AP5B1: variants seen among roughly 807,000 people sequenced by gnomAD.
AP5B1 encodes adaptor related protein complex 5 subunit beta 1.
Under a neutral mutation model 5.7 loss-of-function variants are expected in AP5B1, and 3 were observed. The observed-to-expected ratio is 0.53, with a 90% CI of 0.24 to 1.36. The LOEUF (loss-of-function observed/expected upper bound fraction) is 1.36, where lower values mean the gene tolerates loss of function less well. Among genes scored for constraint, AP5B1 ranks in the 40% most tolerant of loss-of-function variants. AP5B1 has a pLI of 0.17. For missense variants in AP5B1, 1,310 were observed against 1,143.2 expected, an observed-to-expected ratio of 1.15 and a Z score of -2.10; for synonymous variants, 696 against 555.5, an observed-to-expected ratio of 1.25 and a Z score of -3.56.
chr11:65,780,090 G>A lies in AP5B1; in HGVS notation c.403C>T (p.Arg135Ter). 6.6e-7 allele frequency: 1 copy of A among 1,524,702 alleles called. No individual in the cohort carries two copies. Among genetic ancestry groups the A allele is most frequent in the Non-Finnish European group, 8.8e-7 (1 of 1,135,148 alleles). 94.4% of individuals were successfully genotyped at this position (1,524,702 alleles called of 1,614,324 possible). A position where few individuals can be genotyped will look rare whatever the true frequency, so the allele number is the denominator to read the frequency against. The change falls in exon 2 of 2, where the codon CGA (arginine) becomes TGA (stop). Residue 135 changes from arginine (R) to a stop codon, truncating the protein, a stop_gained. Coordinates refer to ENST00000532090, the MANE Select transcript of AP5B1 (RefSeq NM_138368.5). LOFTEE classifies it low-confidence loss of function (END_TRUNC). The part of the protein sequence containing the change: ...LGLAAGSDLG[R>*]GFVPASEQRP... ...TGTTCCGAGGCGGGGACAAAGCCTC[G>A]CCCCAGATCGCTACCCGCGGCCAGG... is the stretch of plus-strand genomic sequence containing the variant.
At position 65,777,679 on chromosome 11, in the gene AP5B1, C is replaced by T. The variant is rs1857781284; in HGVS notation, c.*177G>A. On this transcript the variant is annotated 3_prime_UTR_variant, in exon 2 of 2. Coordinates refer to ENST00000532090, the MANE Select transcript of AP5B1 (RefSeq NM_138368.5). ...CCCCGTCTCAGGGATCTTGCTAGAG[C>T]AGCAAAAACAGACTCAGACAGACCC... is the stretch of plus-strand genomic sequence containing the variant. 3 of 684,716 alleles carry T rather than the reference C, an allele frequency of 4.4e-6. No individual in the cohort carries two copies. The highest frequency in any genetic ancestry group is 7.1e-6 in the Non-Finnish European group (3 of 422,868). 42.4% of individuals were successfully genotyped at this position (684,716 alleles called of 1,614,324 possible). A position where few individuals can be genotyped will look rare whatever the true frequency, so the allele number is the denominator to read the frequency against.
At position 65,779,721 on chromosome 11, in the gene AP5B1, C is replaced by T; in HGVS notation, c.772G>A (p.Glu258Lys). Residue 258 changes from glutamate to lysine, a missense_variant, in exon 2 of 2, where the codon GAG (glutamate) becomes AAG (lysine). Transcript: ENST00000532090. ...TCCCGCGCCTCCTCAGGGCTGTGCT[C>T]TCGTGCTGTAAGGCTACGCTCCCCC... ...GEGERSLTAR[E>K]HSPEEARELR... is the part of the protein sequence containing the mutation. The T allele has an allele frequency of 6.2e-7, 1 of 1,608,630 alleles. No homozygotes were observed. The highest frequency in any genetic ancestry group is 8.5e-7 in the Non-Finnish European group (1 of 1,177,646).
Position 65,778,340 on chromosome 11 carries a change from C to G in AP5B1, c.2153G>C (p.Gly718Ala), listed in dbSNP as rs1395553520. 1.2e-6 allele frequency: 2 copies of G among 1,611,600 alleles called. No homozygotes were observed. The highest frequency in any genetic ancestry group is 3.3e-5 in the Admixed American group (2 of 59,772). The change falls in exon 2 of 2, where the codon GGC becomes GCC. Residue 718 changes from glycine to alanine, a missense_variant. Transcript: ENST00000532090. ...CAGGAGCAGAGGGCGGGCAGGGCGG[C>G]CAGGACACAGGCAGGGCACATGGAC... ...EAVHVPCLCP[G>A]RPARPLLLPL...
chr11:65,779,923 G>C lies in AP5B1; in HGVS notation c.570C>G (p.Ala190=), dbSNP rs530380181. Residue 190 remains alanine, a synonymous_variant, in exon 2 of 2, where the codon GCC becomes GCG. Transcript: ENST00000532090. ...GPVQPLSLLL[A]LALRNTLVLQ... ...GCACCAAGGTGTTGCGCAAAGCGAG[G>C]GCCAGCAACAGGCTGAGTGGCTGGA... is the stretch of plus-strand genomic sequence containing the variant. 1.3e-5 allele frequency: 21 copies of C among 1,590,520 alleles called. No homozygotes were observed. The highest frequency in any genetic ancestry group is 1.8e-5 in the Non-Finnish European group (21 of 1,168,630).
Position 65,780,797 on chromosome 11 carries a change from G to A in AP5B1, c.-206C>T. 2.4e-6 allele frequency: 1 copy of A among 419,542 alleles called. No homozygotes were observed. Among genetic ancestry groups the A allele is most frequent in the Non-Finnish European group, 4.0e-6 (1 of 253,140 alleles). The allele number at this position is 419,542 out of a possible 1,614,324, so 26.0% of individuals were successfully genotyped here. ...TGGGCGCCGGGGCCCTCGCGGGACAGGACAGGAGCAGGGCGGGGGAGGGTG... is the reference window on the plus strand; with the variant it reads ...TGGGCGCCGGGGCCCTCGCGGGACAAGACAGGAGCAGGGCGGGGGAGGGTG... On this transcript the variant is annotated 5_prime_UTR_variant, in exon 1 of 2. Transcript: ENST00000532090.
At position 65,780,961 on chromosome 11, in the gene AP5B1, CGGCTCCTTCCG is replaced by C. The variant is rs1261141410; in HGVS notation, c.-381_-371del. Among the ~76,000 whole-genome samples, 1 of 148,960 alleles carries C rather than the reference CGGCTCCTTCCG, an allele frequency of 6.7e-6. No homozygotes were observed. Among genetic ancestry groups the C allele is most frequent in the Non-Finnish European group, 1.5e-5 (1 of 66,880 alleles). On this transcript the variant is annotated 5_prime_UTR_variant, in exon 1 of 2. Coordinates refer to ENST00000532090, the MANE Select transcript of AP5B1 (RefSeq NM_138368.5). ...AGCCGCCGCGGGCACTCAGGCCGGC[CGGCTCCTTCCG>C]GGCTGGCGGCGCGGGGCGGGGCGCG...
Position 65,779,689 on chromosome 11 carries a change from C to G in AP5B1, c.804G>C (p.Arg268=). 1.2e-6 allele frequency: 2 copies of G among 1,612,284 alleles called. No individual in the cohort carries two copies. The highest frequency in any genetic ancestry group is 1.1e-5 in the South Asian group (1 of 91,008). Residue 268 remains arginine, a synonymous_variant, in exon 2 of 2, where the codon CGG becomes CGC. Coordinates refer to ENST00000532090, the MANE Select transcript of AP5B1 (RefSeq NM_138368.5). ...EHSPEEAREL[R]AAVIQLLDTS... is the part of the protein sequence containing the mutation. ...TGTCCAGAAGCTGGATCACCGCAGC[C>G]CGCAGCTCCCGCGCCTCCTCAGGGC...
rs2135690626 is a variant in AP5B1 at position 65,780,014 on chromosome 11, C to T, written c.479G>A (p.Cys160Tyr). 6.4e-7 allele frequency: 1 copy of T among 1,561,674 alleles called. No individual in the cohort carries two copies. The highest frequency in any genetic ancestry group is 8.7e-7 in the Non-Finnish European group (1 of 1,153,354). ...GGAGCCCCCCAGCAGCCCGGGCTTG[C>T]AGCTCTCTAGCTCTCGCAGGCACTC... ...ACECLRELESCKPGLLGGSLG... is the reference protein window; with the variant it reads ...ACECLRELESYKPGLLGGSLG... Residue 160 changes from cysteine (C) to tyrosine (Y), a missense_variant, in exon 2 of 2, where the codon TGC becomes TAC. Transcript: ENST00000532090.
At position 65,779,283 on chromosome 11, in the gene AP5B1, T is replaced by G. The variant is rs1857811263; in HGVS notation, c.1210A>C (p.Ser404Arg). 1.3e-6 allele frequency: 2 copies of G among 1,598,570 alleles called. No homozygotes were observed. The highest frequency in any genetic ancestry group is 1.7e-6 in the Non-Finnish European group (2 of 1,171,764). ...GPQLCRGLLP[S>R]LLHDPMALLA... is the part of the protein sequence containing the mutation. ...AGGGCCATTGGGTCATGCAGGAGAC[T>G]GGGCAGGAGACCACGGCATAGCTGG... The change falls in exon 2 of 2, where the codon AGT (serine) becomes CGT (arginine). Residue 404 changes from serine (S) to arginine (R), a missense_variant. Ser to Arg is a moderately radical substitution (Grantham distance 110). Transcript: ENST00000532090.
chr11:65,779,042 G>A lies in AP5B1; in HGVS notation c.1451C>T (p.Thr484Ile). 1 of 1,607,334 alleles carries A rather than the reference G, an allele frequency of 6.2e-7. No individual in the cohort carries two copies. Among genetic ancestry groups the A allele is most frequent in the Non-Finnish European group, 8.5e-7 (1 of 1,177,098 alleles). The change falls in exon 2 of 2, where the codon ACC becomes ATC. Residue 484 changes from threonine to isoleucine, a missense_variant. Thr to Ile is a moderately conservative substitution (Grantham distance 89, BLOSUM62 -1). Coordinates refer to ENST00000532090, the MANE Select transcript of AP5B1 (RefSeq NM_138368.5). ...CTGGGCCAGTCCGTGGATCAAGGGGGTCAGCACCGTAGGTTGCCCAGCCAG... is the reference window on the plus strand; with the variant it reads ...CTGGGCCAGTCCGTGGATCAAGGGGATCAGCACCGTAGGTTGCCCAGCCAG... The part of the protein sequence containing the change: ...CCLAGQPTVL[T>I]PLIHGLAQLY...
At position 65,775,892 on chromosome 11, in the gene AP5B1, CTTTT is replaced by C. The variant is rs1005912068; in HGVS notation, c.*1960_*1963del. On this transcript the variant is annotated 3_prime_UTR_variant, in exon 2 of 2. Coordinates refer to ENST00000532090, the MANE Select transcript of AP5B1 (RefSeq NM_138368.5). ...ACAGTACCACTGTCCCAGGCCCTTTCTTTTTTTTCTTTTTTTGAGACAGAGCCTT... is the reference window on the plus strand; with the variant it reads ...ACAGTACCACTGTCCCAGGCCCTTTCTTTTCTTTTTTTGAGACAGAGCCTT... The C allele has an allele frequency of 6.6e-6, 1 of 151,816 alleles. No individual in the cohort carries two copies. The highest frequency in any genetic ancestry group is 2.4e-5 in the African/African-American group (1 of 41,296). 9.4% of individuals were successfully genotyped at this position (151,816 alleles called of 1,614,324 possible).
In AP5B1 at chr11:65,778,241, G is replaced by C; in HGVS notation, c.2252C>G (p.Thr751Arg). The C allele has an allele frequency of 6.2e-7, 1 of 1,613,430 alleles. No individual in the cohort carries two copies. Among genetic ancestry groups the C allele is most frequent in the South Asian group, 1.1e-5 (1 of 91,088 alleles). The change falls in exon 2 of 2, where the codon ACG becomes AGG. Residue 751 changes from threonine (T) to arginine (R), a missense_variant. Thr to Arg is a moderately conservative substitution (Grantham distance 71). Transcript: ENST00000532090. ...HALYTTSTGLTCHAHLPPLFV... is the reference protein window; with the variant it reads ...HALYTTSTGLRCHAHLPPLFV... ...CAGGGGTGGCAAGTGGGCATGGCACGTGAGACCAGTGGATGTGGTGTAAAG... is the reference window on the plus strand; with the variant it reads ...CAGGGGTGGCAAGTGGGCATGGCACCTGAGACCAGTGGATGTGGTGTAAAG...
Position 65,779,014 on chromosome 11 carries a change from C to G in AP5B1, c.1479G>C (p.Leu493=), listed in dbSNP as rs1857805949. 6.2e-7 allele frequency: 1 copy of G among 1,609,176 alleles called. No homozygotes were observed. Among genetic ancestry groups the G allele is most frequent in the Non-Finnish European group, 8.5e-7 (1 of 1,177,948 alleles). The change falls in exon 2 of 2, where the codon CTG becomes CTC. Residue 493 remains leucine, a synonymous_variant. Transcript: ENST00000532090. ...GAGCCAGCATGGGCCGGGCTTGGTA[C>G]AGCTGGGCCAGTCCGTGGATCAAGG... The part of the protein sequence containing the change: ...LTPLIHGLAQ[L]YQARPMLAPH...
At position 65,780,298 on chromosome 11, in the gene AP5B1, C is replaced by A; in HGVS notation, c.195G>T (p.Trp65Cys). The change falls in exon 2 of 2, where the codon TGG becomes TGT. Residue 65 changes from tryptophan to cysteine, a missense_variant. By Grantham distance (215) the Trp-to-Cys change is radical. Transcript: ENST00000532090. ...ALSMEYPAQL[W>C]PDASAAEVAA... ...CCACTTCGGCCGCAGAGGCGTCGGG[C>A]CACAGCTGCGCAGGGTACTCCATGC... The A allele has an allele frequency of 6.7e-7, 1 of 1,499,766 alleles. No homozygotes were observed. The highest frequency in any genetic ancestry group is 1.4e-5 in the African/African-American group (1 of 69,860). 92.9% of individuals were successfully genotyped at this position (1,499,766 alleles called of 1,614,324 possible).
In AP5B1 at chr11:65,773,980, C is replaced by A. The variant is rs1857736710; in HGVS notation, c.*3876G>T. Among the ~76,000 whole-genome samples, 1 of 152,172 alleles carries A rather than the reference C, an allele frequency of 6.6e-6. No individual in the cohort carries two copies. The highest frequency in any genetic ancestry group is 1.5e-5 in the Non-Finnish European group (1 of 68,020). On this transcript the variant is annotated 3_prime_UTR_variant, in exon 2 of 2. Coordinates refer to ENST00000532090, the MANE Select transcript of AP5B1 (RefSeq NM_138368.5). ...TGGGCTCTACATGACTTAACCCTTG[C>A]TTGGCATGGCCTTAGGTCCTGTTTA... is the stretch of plus-strand genomic sequence containing the variant.
rs552889829 is a variant in AP5B1, at chr11:65,775,529, C to T, written c.*2327G>A. Among the ~76,000 whole-genome samples, 83 of 152,324 alleles carry T rather than the reference C, an allele frequency of 5.4e-4. No individual in the cohort carries two copies. Among genetic ancestry groups the T allele is most frequent in the African/African-American group, 1.9e-3 (79 of 41,578 alleles). ...GTTCAGTCCTTCTGCAGCAGCACCA[C>T]GCTTCTGGCTTTGTGGGTGTCAGGA... On this transcript the variant is annotated 3_prime_UTR_variant, in exon 2 of 2. Transcript: ENST00000532090.
rs935603721 is a variant in AP5B1 at position 65,780,504 on chromosome 11, C to T, written c.88G>A (p.Glu30Lys). ...PSAFMAGPEGEDLGRDLLSDL... is the reference protein window; with the variant it reads ...PSAFMAGPEGKDLGRDLLSDL... ...CTCAGCAGGTCGCGACCCAAATCCT[C>T]CCCCTCGGGACCTGCCATGAAGGCA... Residue 30 changes from glutamate to lysine, a missense_variant, in exon 1 of 2, where the codon GAG becomes AAG. By Grantham distance (56) the Glu-to-Lys change is moderately conservative. Coordinates refer to ENST00000532090, the MANE Select transcript of AP5B1 (RefSeq NM_138368.5). 2 of 1,520,568 alleles carry T rather than the reference C, an allele frequency of 1.3e-6. No homozygotes were observed. Among genetic ancestry groups the T allele is most frequent in the Admixed American group, 2.0e-5 (1 of 49,604 alleles). The allele number at this position is 1,520,568 out of a possible 1,614,324, so 94.2% of individuals were successfully genotyped here.
chr11:65,778,428 G>C lies in AP5B1; in HGVS notation c.2065C>G (p.Pro689Ala), dbSNP rs527297558. The C allele has an allele frequency of 4.6e-5, 72 of 1,580,434 alleles. No individual in the cohort carries two copies. The highest frequency in any genetic ancestry group is 9.1e-5 in the Admixed American group (5 of 54,776). ...AAGCGCAGCTCCAGAGAGTAGATGG[G>C]CTCCAGCGCCTCCGGCTGGAGCTTC... ...VLKLQPEALE[P>A]IYSLELRFRV... Residue 689 changes from proline (P) to alanine (A), a missense_variant, in exon 2 of 2, where the codon CCC becomes GCC. Physicochemically the swap from Pro to Ala is conservative, Grantham distance 27. Transcript: ENST00000532090.
Position 65,777,804 on chromosome 11 carries a change from G to A in AP5B1, c.*52C>T. On this transcript the variant is annotated 3_prime_UTR_variant, in exon 2 of 2. Transcript: ENST00000532090. The stretch of plus-strand genomic sequence containing the variant: ...TTTGGCGACAGAGCTACAGGAGTGT[G>A]CCTTGGCCCCCACAAGGGCCACAGT... The A allele has an allele frequency of 6.9e-7, 1 of 1,450,884 alleles. No individual in the cohort carries two copies. The highest frequency in any genetic ancestry group is 1.4e-5 in the South Asian group (1 of 69,840). The allele number at this position is 1,450,884 out of a possible 1,614,324, so 89.9% of individuals were successfully genotyped here.
Sources: gnomAD v4.1 joint callset for allele counts (sites outside exome capture counted in the v4.1 genomes callset) on GRCh38, gnomAD v4.1.1 for gene constraint, MANE v1.5 for transcripts, NCBI Gene and HGNC (gene_info 2026-07-23, HGNC 2026-07-21) for gene names.